CAPN5: variants seen among roughly 807,000 people sequenced by gnomAD.
CAPN5 encodes the protein calpain 5.
CAPN5 carries 54 observed loss-of-function variants against 73.0 expected under a neutral mutation model. The ratio of observed to expected loss-of-function variants is 0.74; its 90% CI spans 0.59 to 0.93. The LOEUF (loss-of-function observed/expected upper bound fraction) is 0.93. Ranked by LOEUF, CAPN5 falls within the 40% of genes least tolerant of loss-of-function variation. The pLI, the probability that CAPN5 is intolerant of heterozygous loss-of-function variation, is 0.00. For synonymous variants in CAPN5, 335 were observed against 356.9 expected (o/e 0.94, Z 0.69); for missense variants, 785 against 882.9 (o/e 0.89, Z 1.41).
intron 2 of CAPN5, among the ~76,000 whole-genome samples, chr11:77,089,270 C>G (rs1950124275): frequency 6.6e-6 from 1 of 152,212 alleles, no homozygotes; most frequent in Non-Finnish European, 1.5e-5. Context: ...GTCCCCATTT[C>G]CCTCCTGAAC....
intron 1 of CAPN5, among the ~76,000 whole-genome samples, chr11:77,082,218 C>T (rs1368413211): frequency 6.6e-6 from 1 of 152,084 alleles, no homozygotes; most frequent in Non-Finnish European, 1.5e-5. Flanking sequence ...AGCTTCAGCC[C>T]AGGGTGGAGA....
intron 1 of CAPN5, chr11:77,073,240 G>C: frequency 1.7e-6 from 1 of 590,104 alleles, no homozygotes; most frequent in Non-Finnish European, 2.8e-6. Flanking sequence ...GGCTTGGCCT[G>C]GGGCTGCCCC....
intron 1 of CAPN5, among the ~76,000 whole-genome samples, chr11:77,076,116 C>T (rs906423349): frequency 1.2e-4 from 19 of 152,050 alleles, no homozygotes; most frequent in African/African-American, 4.6e-4. Flanking sequence ...AATCCCAGCA[C>T]TTTGGGAGGC....
intron 3 of CAPN5, among the ~76,000 whole-genome samples, chr11:77,094,056 C>T (rs1235716824): frequency 6.6e-6 from 1 of 152,226 alleles, no homozygotes; most frequent in Non-Finnish European, 1.5e-5. Flanking sequence ...CTGATGTGTC[C>T]CCCCCAACAC....
chr11:77,122,895 G>A (rs1009290621), intron 12 of CAPN5, among the ~76,000 whole-genome samples, 183 bp downstream of exon 12: 4 of 152,218 alleles, frequency 2.6e-5, no homozygotes, highest in African/African-American at 9.6e-5. Flanking sequence ...AGGTCCCTCT[G>A]TAGGTGGGTG....
At chr11:77,119,446 G>A in intron 9 of CAPN5, 1 of 395,478 alleles carries the variant, frequency 2.5e-6, no homozygotes, top group Non-Finnish European at 4.7e-6. Flanking sequence ...TGGTGGTTGG[G>A]GCCGGGCCCT....
At chr11:77,098,221 A>G (rs781947802) in intron 3 of CAPN5, among the ~76,000 whole-genome samples, 459 of 43,936 alleles carry the variant, frequency 0.01, 13 homozygotes, top group Non-Finnish European at 0.016. Flanking sequence ...CTGGCCGGGC[A>G]GGGGGGCTGA....
intron 2 of CAPN5, 50 bp from the exon 3 acceptor site, chr11:77,093,632 C>A: frequency 6.6e-7 from 1 of 1,521,434 alleles, no homozygotes; most frequent in South Asian, 1.2e-5. Flanking sequence ...CCATGGGGGG[C>A]ATCCGCATGC....
chr11:77,098,451 C>T (rs1299503002), intron 3 of CAPN5, among the ~76,000 whole-genome samples: 35 of 97,486 alleles, frequency 3.6e-4, no homozygotes, highest in African/African-American at 5.1e-4. Flanking sequence ...TAGGGGCGGC[C>T]GGGCAGAGGC....
chr11:77,105,073 T>G (rs782588983), intron 3 of CAPN5, among the ~76,000 whole-genome samples: 14 of 151,806 alleles, frequency 9.2e-5, no homozygotes, highest in African/African-American at 3.4e-4. Context: ...GGCCCTGCCC[T>G]TCTGCTTGAG....
At chr11:77,103,103 G>T (rs782540258) in intron 3 of CAPN5, 8 of 1,613,872 alleles carry the variant, frequency 5.0e-6, no homozygotes, top group Non-Finnish European at 6.8e-6. Flanking sequence ...AGAACTGGAC[G>T]CCTGACCTCA....
intron 2 of CAPN5, among the ~76,000 whole-genome samples, chr11:77,089,781 G>A (rs1950130069): frequency 6.6e-6 from 1 of 152,178 alleles, no homozygotes. Context: ...GGCTAAGGCA[G>A]GAGAATCGTT....
intron 2 of CAPN5, among the ~76,000 whole-genome samples, chr11:77,087,698 A>G (rs1950103311): frequency 1.3e-5 from 2 of 152,168 alleles, no homozygotes; most frequent in East Asian, 1.9e-4. Flanking sequence ...GGAAACCGAA[A>G]TGACTTGAGG....
At chr11:77,088,185 G>A in intron 2 of CAPN5, 1 of 1,089,176 alleles carries the variant, frequency 9.2e-7, no homozygotes, top group East Asian at 2.8e-5. Flanking sequence ...GTGGGGTGGG[G>A]GAGGGGGACT....
intron 5 of CAPN5, among the ~76,000 whole-genome samples, chr11:77,114,669 AC>A (rs2135477942): frequency 6.6e-6 from 1 of 152,238 alleles, no homozygotes; most frequent in East Asian, 1.9e-4. Flanking sequence ...TGGGTTATGA[AC>A]GTCTGTGCAT....
At chr11:77,123,628 A>T (rs543272960) in intron 12 of CAPN5, 60 bp from the exon 13 acceptor site, 1 of 1,407,598 alleles carries the variant, frequency 7.1e-7, no homozygotes, top group Non-Finnish European at 9.9e-7. Context: ...CCCCCCATAG[A>T]CCTATATTGC....
intron 1 of CAPN5, among the ~76,000 whole-genome samples, chr11:77,079,675 CAT>C (rs1285798620): frequency 6.6e-6 from 1 of 152,088 alleles, no homozygotes; most frequent in African/African-American, 2.4e-5. Context: ...TATATGAACA[CAT>C]GATTATATTA....
chr11:77,118,986 G>C, intron 8 of CAPN5, 44 bp from the exon 9 acceptor site: 2 of 1,578,454 alleles, frequency 1.3e-6, no homozygotes, highest in Non-Finnish European at 1.7e-6. Flanking sequence ...TGCCTGGTGT[G>C]GTCTCATTGC....
chr11:77,124,457 C>T lies in CAPN5; in HGVS notation c.*587C>T, dbSNP rs146145916. On this transcript the variant is annotated 3_prime_UTR_variant, in exon 13 of 13. Coordinates refer to ENST00000648180, the MANE Select transcript of CAPN5 (RefSeq NM_004055.5). ...GGAGATTTGCCAAATGAATAAACGA[C>T]ACCTTTGAGGCCCCAGGTGAAGCGG... 4 of 153,468 alleles carry T rather than the reference C, an allele frequency of 2.6e-5. No homozygotes were observed. The highest frequency in any genetic ancestry group is 9.6e-5 in the African/African-American group (4 of 41,604). 9.5% of individuals were successfully genotyped at this position (153,468 alleles called of 1,614,324 possible).
Sources: allele counts gnomAD v4.1 joint callset (sites outside exome capture counted in the v4.1 genomes callset), GRCh38; gene constraint gnomAD v4.1.1; transcripts MANE v1.5; gene names NCBI Gene and HGNC (gene_info 2026-07-23, HGNC 2026-07-21).